Variants in PCDHGB2 observed in about 807,000 individuals in gnomAD.
PCDHGB2 encodes the protein protocadherin gamma-B2.
PCDHGB2 carries 55 observed loss-of-function variants against 59.3 expected under a neutral mutation model. The ratio of observed to expected loss-of-function variants is 0.93; its 90% confidence interval spans 0.75 to 1.16. The LOEUF (loss-of-function observed/expected upper bound fraction) is 1.16, where lower values mean the gene tolerates loss of function less well. Among genes scored for constraint, PCDHGB2 ranks in the 50% most tolerant of loss-of-function variants. The pLI, the probability that PCDHGB2 is intolerant of heterozygous loss-of-function variation, is 0.00. For synonymous variants in PCDHGB2, 516 were observed against 512.0 expected (o/e 1.01, Z -0.11); for missense variants, 1,228 against 1,198.5 (o/e 1.02, Z -0.36).
In PCDHGB2 at chr5:141,489,399, C is replaced by A. The variant is rs2099686689; in HGVS notation, c.2422-5408C>A. On this transcript the variant is annotated intron_variant, in intron 1 of 3. Coordinates refer to ENST00000522605, the MANE Select transcript of PCDHGB2 (RefSeq NM_018923.3). The surrounding 1 kb of genome is among the most constrained non-coding windows in gnomAD (Gnocchi z 4.5). ...TGGGGAATGTTGCTCAGGATCTGGGCTTAAAGATGACAGATCTGTTGAGCC... is the reference window on the plus strand; with the variant it reads ...TGGGGAATGTTGCTCAGGATCTGGGATTAAAGATGACAGATCTGTTGAGCC... 1 of 1,614,024 alleles carries A rather than the reference C, an allele frequency of 6.2e-7. No homozygotes were observed. Among genetic ancestry groups the A allele is most frequent in the African/African-American group, 1.3e-5 (1 of 74,910 alleles).
In PCDHGB2 at chr5:141,476,875, C is replaced by T; in HGVS notation, c.2422-17932C>T. On this transcript the variant is annotated intron_variant, in intron 1 of 3. Coordinates refer to ENST00000522605, the MANE Select transcript of PCDHGB2 (RefSeq NM_018923.3). The surrounding 1 kb of genome is among the most constrained non-coding windows in gnomAD (Gnocchi z 7.6). ...ACCAGTCCTTGTACCGGGCGCGCGT[C>T]CTGGAGGATGCACCCTCCGGCACGC... 2 of 1,613,928 alleles carry T rather than the reference C, an allele frequency of 1.2e-6. No homozygotes were observed. Among genetic ancestry groups the T allele is most frequent in the Non-Finnish European group, 1.7e-6 (2 of 1,180,044 alleles).
intron 1 of PCDHGB2, among the ~76,000 whole-genome samples, chr5:141,380,913 T>C (rs1776852594): frequency 6.6e-6 from 1 of 152,242 alleles, no homozygotes; most frequent in African/African-American, 2.4e-5. Flanking sequence ...AGTGCTTACA[T>C]TGTTTAATAA....
At chr5:141,424,129 T>G in intron 1 of PCDHGB2, 1 of 492,066 alleles carries the variant, frequency 2.0e-6, no homozygotes, top group Non-Finnish European at 2.7e-6. Context: ...TCCTGTTGAT[T>G]TAATAGCATG....
intron 1 of PCDHGB2, chr5:141,374,487 A>C: frequency 6.2e-7 from 1 of 1,611,648 alleles, no homozygotes; most frequent in Non-Finnish European, 8.5e-7. Flanking sequence ...CGATTCTTAA[A>C]GGAAGAATTG....
At chr5:141,370,421 C>T in intron 1 of PCDHGB2, 1 of 1,580,640 alleles carries the variant, frequency 6.3e-7, no homozygotes. Flanking sequence ...GATGGAGGGG[C>T]CCAGCAGGGC....
chr5:141,370,311 A>G, intron 1 of PCDHGB2: 8 of 1,247,000 alleles, frequency 6.4e-6, no homozygotes, highest in Non-Finnish European at 8.9e-6. Context: ...CAAAGCAAAT[A>G]GTTGGTCCTG....
chr5:141,399,713 A>T, intron 1 of PCDHGB2: 1 of 1,613,326 alleles, frequency 6.2e-7, no homozygotes, highest in Non-Finnish European at 8.5e-7. Context: ...CTCACACTAC[A>T]GGCCCGCGAC....
At chr5:141,483,648 T>TTGTGTG (rs111458813) in intron 1 of PCDHGB2, among the ~76,000 whole-genome samples, 20,229 of 149,628 alleles carry the variant, frequency 0.14, 2,147 homozygotes, top group African/African-American at 0.31. Context: ...GGGTGTGTGT[T>TTGTGTG]TGTGTGTGTG....
In PCDHGB2 at chr5:141,491,797, G is replaced by T. The variant is rs537755017; in HGVS notation, c.2422-3010G>T. The stretch of plus-strand genomic sequence containing the variant: ...ATTGAACTTGCATCCACTCCTCTCC[G>T]GCCGGCTTGGTCGCTGGCTGCGCTC... On this transcript the variant is annotated intron_variant, in intron 1 of 3. Coordinates refer to ENST00000522605, the MANE Select transcript of PCDHGB2 (RefSeq NM_018923.3). The surrounding 1 kb of genome is among the most constrained non-coding windows in gnomAD (Gnocchi z 6.9). 2.0e-6 allele frequency: 3 copies of T among 1,506,818 alleles called. No homozygotes were observed. The highest frequency in any genetic ancestry group is 2.4e-5 in the Admixed American group (1 of 41,734). 93.3% of individuals were successfully genotyped at this position (1,506,818 alleles called of 1,614,324 possible). A position where few individuals can be genotyped will look rare whatever the true frequency, so the allele number is the denominator to read the frequency against.
Position 141,376,684 on chromosome 5 carries a change from T to G in PCDHGB2, c.2421+14128T>G, listed in dbSNP as rs574993154. 1.2e-3 allele frequency: 1,011 copies of G among 809,238 alleles called. 6 individuals carry two copies. Among genetic ancestry groups the G allele is most frequent in the Non-Finnish European group, 1.3e-3 (680 of 543,972 alleles). The allele number at this position is 809,238 out of a possible 1,614,324, so 50.1% of individuals were successfully genotyped here. On this transcript the variant is annotated intron_variant, in intron 1 of 3. Coordinates refer to ENST00000522605, the MANE Select transcript of PCDHGB2 (RefSeq NM_018923.3). ...GTTCAGGTGAGGGTATCGTTTTTTT[T>G]TTTTTTTTTTTTTGAGACGGAGTCT...
At chr5:141,364,415 G>C in intron 1 of PCDHGB2, 1 of 1,613,082 alleles carries the variant, frequency 6.2e-7, no homozygotes, top group South Asian at 1.1e-5. Flanking sequence ...GCCAGGATCC[G>C]GGCAGATCCG....
chr5:141,402,593 G>T (rs4151700), intron 1 of PCDHGB2, among the ~76,000 whole-genome samples: 8,085 of 152,244 alleles, frequency 0.053, 229 homozygotes, highest in South Asian at 0.08. Flanking sequence ...AAAATAGATT[G>T]CTTTTGAAAT....
chr5:141,467,409 C>T (rs2099143590), intron 1 of PCDHGB2, among the ~76,000 whole-genome samples: 1 of 152,132 alleles, frequency 6.6e-6, no homozygotes, highest in South Asian at 2.1e-4. Context: ...GAAAGCCTTT[C>T]CCCACACCTA....
Position 141,489,214 on chromosome 5 carries a change from T to TA in PCDHGB2, c.2422-5592dup, listed in dbSNP as rs771766565. On this transcript the variant is annotated intron_variant, in intron 1 of 3. Transcript: ENST00000522605. This position sits in a 1 kb window ranked among gnomAD's most constrained non-coding sequence, Gnocchi z 4.5. ...CCTTGGAGACAGGACAGCACAGACTTACTCTCCACAAAGGGACTTCTGGGT... is the reference window on the plus strand; with the variant it reads ...CCTTGGAGACAGGACAGCACAGACTTAACTCTCCACAAAGGGACTTCTGGGT... 216 of 1,480,534 alleles carry TA rather than the reference T, an allele frequency of 1.5e-4. 4 individuals are homozygous for TA. The South Asian group carries it at 2.1e-3, about 14-fold the overall frequency. 91.7% of individuals were successfully genotyped at this position (1,480,534 alleles called of 1,614,324 possible).
rs1414835001 is a variant in PCDHGB2 at position 141,476,225 on chromosome 5, A to T, written c.2422-18582A>T. 1.2e-6 allele frequency: 2 copies of T among 1,613,882 alleles called. No individual in the cohort carries two copies. Among genetic ancestry groups the T allele is most frequent in the Non-Finnish European group, 1.7e-6 (2 of 1,180,012 alleles). ...GGCTTCCACGGTCATTCACTATGAG[A>T]TCCCGGAGGAAAGAGAGAAGGGTTT... On this transcript the variant is annotated intron_variant, in intron 1 of 3. Transcript: ENST00000522605. This position sits in a 1 kb window ranked among gnomAD's most constrained non-coding sequence, Gnocchi z 7.6.
Position 141,476,017 on chromosome 5 carries a change from G to C in PCDHGB2, c.2422-18790G>C. The C allele has an allele frequency of 1.5e-6, 2 of 1,369,942 alleles. No individual in the cohort carries two copies. The highest frequency in any genetic ancestry group is 2.0e-6 in the Non-Finnish European group (2 of 1,015,658). The allele number at this position is 1,369,942 out of a possible 1,614,324, so 84.9% of individuals were successfully genotyped here. A position where few individuals can be genotyped will look rare whatever the true frequency, so the allele number is the denominator to read the frequency against. On this transcript the variant is annotated intron_variant, in intron 1 of 3. Coordinates refer to ENST00000522605, the MANE Select transcript of PCDHGB2 (RefSeq NM_018923.3). This position sits in a 1 kb window ranked among gnomAD's most constrained non-coding sequence, Gnocchi z 7.6. ...CAACGGCATCCAGAAAGCCATGTCG[G>C]ACTCGGCGCCCAGCGCCCAAGCGCT...
intron 1 of PCDHGB2, chr5:141,399,667 C>T (rs752195462): frequency 1.2e-6 from 2 of 1,613,634 alleles, no homozygotes; most frequent in Non-Finnish European, 8.5e-7. Context: ...GTTCGCGCAG[C>T]GCGCCTTTGA....
chr5:141,368,426 C>T (rs998020099), intron 1 of PCDHGB2, among the ~76,000 whole-genome samples: 8 of 151,928 alleles, frequency 5.3e-5, no homozygotes, highest in African/African-American at 1.9e-4. Context: ...GACATTCTGA[C>T]CAAAATGTAA....
chr5:141,413,747 A>C, intron 1 of PCDHGB2: 1 of 1,613,348 alleles, frequency 6.2e-7, no homozygotes. Flanking sequence ...AGCCGTGCCA[A>C]TGGCGTCAAG....
Sources: allele counts gnomAD v4.1 joint callset (sites outside exome capture counted in the v4.1 genomes callset), GRCh38; gene constraint gnomAD v4.1.1; non-coding constraint Gnocchi (gnomAD v3.1); transcripts MANE v1.5; gene names NCBI Gene and HGNC (gene_info 2026-07-23, HGNC 2026-07-21).